DPP10: variants seen among roughly 807,000 people sequenced by gnomAD.
DPP10 encodes the protein inactive dipeptidyl peptidase 10.
Under a neutral mutation model 120.9 loss-of-function variants are expected in DPP10, and 33 were observed. The observed-to-expected ratio is 0.27, with a 90% CI of 0.21 to 0.37. The LOEUF is 0.37. Among genes scored for constraint, DPP10 ranks in the 10% least tolerant of loss-of-function variants. The probability of loss-of-function intolerance (pLI) is 1.00; values close to 1 mark genes in which losing one functional copy is unlikely to be tolerated. For missense variants in DPP10, 816 were observed against 942.8 expected, an observed-to-expected ratio of 0.87 and a Z score of 1.76; for synonymous variants, 337 against 326.1, an observed-to-expected ratio of 1.03 and a Z score of -0.36.
chr2:115,286,526 A>ATATATATATATATATATAT (rs10675008), intron 1 of DPP10, among the ~76,000 whole-genome samples: 1,429 of 60,442 alleles, frequency 0.024, 175 homozygotes, highest in Non-Finnish European at 0.032. Flanking sequence ...ATATATATAT[A>ATATATATATATATATATAT]ATATATATAT....
intron 5 of DPP10, among the ~76,000 whole-genome samples, chr2:115,664,157 A>T (rs1160439656): frequency 6.6e-6 from 1 of 152,036 alleles, no homozygotes; most frequent in Non-Finnish European, 1.5e-5. Context: ...CAATTTAAAT[A>T]TGTTAAGAGA....
At chr2:114,801,716 G>A (rs774780871) in intron 1 of DPP10, among the ~76,000 whole-genome samples, 1 of 152,194 alleles carries the variant, frequency 6.6e-6, no homozygotes, top group Non-Finnish European at 1.5e-5. Context: ...ACAAGGGATG[G>A]ATGTTATTTG....
intron 5 of DPP10, among the ~76,000 whole-genome samples, chr2:115,670,466 C>T (rs2089785192): frequency 6.6e-6 from 1 of 151,858 alleles, no homozygotes. Flanking sequence ...GCCAATTTAC[C>T]CCAGTTTTTG....
At chr2:114,891,464 T>A (rs1558849959) in intron 1 of DPP10, among the ~76,000 whole-genome samples, 1 of 152,136 alleles carries the variant, frequency 6.6e-6, no homozygotes, top group African/African-American at 2.4e-5. Flanking sequence ...AAACACCAGA[T>A]AAATGGAAAG....
At chr2:115,761,876 G>A (rs1033964529) in intron 11 of DPP10, among the ~76,000 whole-genome samples, 3 of 151,966 alleles carry the variant, frequency 2.0e-5, no homozygotes, top group Non-Finnish European at 2.9e-5. Flanking sequence ...ATTTGAATAC[G>A]TTTATTATAG....
chr2:115,758,369 T>G (rs1231853611), intron 11 of DPP10, among the ~76,000 whole-genome samples: 1 of 151,988 alleles, frequency 6.6e-6, no homozygotes, highest in African/African-American at 2.4e-5. Context: ...CCTTAAAACT[T>G]TAAATACACA....
chr2:114,528,667 A>G (rs1685708785), intron 1 of DPP10, among the ~76,000 whole-genome samples: 1 of 150,788 alleles, frequency 6.6e-6, no homozygotes, highest in Admixed American at 6.7e-5. Flanking sequence ...TTCATACTAG[A>G]TGGTCTTGAA....
intron 7 of DPP10, among the ~76,000 whole-genome samples, chr2:115,714,056 C>T (rs978726464): frequency 6.6e-6 from 1 of 152,130 alleles, no homozygotes; most frequent in African/African-American, 2.4e-5. Context: ...TGCTTTTCTG[C>T]TTCTATTCAT....
At chr2:115,422,587 T>C (rs760407909) in intron 3 of DPP10, among the ~76,000 whole-genome samples, 2 of 152,194 alleles carry the variant, frequency 1.3e-5, no homozygotes, top group African/African-American at 2.4e-5. Flanking sequence ...TCCTTGCAAA[T>C]AAAAGAATAA....
intron 1 of DPP10, among the ~76,000 whole-genome samples, chr2:114,815,734 G>C (rs1685588195): frequency 6.6e-6 from 1 of 152,140 alleles, no homozygotes; most frequent in South Asian, 2.1e-4. Context: ...GAGCAATGGA[G>C]TTGTGTAGGC....
At chr2:114,940,826 T>C (rs566989060) in intron 1 of DPP10, among the ~76,000 whole-genome samples, 30 of 152,308 alleles carry the variant, frequency 2.0e-4, no homozygotes, top group African/African-American at 7.0e-4. Context: ...GCTGCACACA[T>C]TTTATCCTGC....
At chr2:114,742,328 A>C (rs568151488) in intron 1 of DPP10, among the ~76,000 whole-genome samples, 1 of 152,324 alleles carries the variant, frequency 6.6e-6, no homozygotes, top group Non-Finnish European at 1.5e-5. Context: ...AAAAGGAAAA[A>C]GAAAAGGAGA....
At chr2:115,270,065 T>TAGG (rs2059623104) in intron 1 of DPP10, among the ~76,000 whole-genome samples, 1 of 89,394 alleles carries the variant, frequency 1.1e-5, no homozygotes, top group Non-Finnish European at 2.2e-5. Flanking sequence ...CTAGGTATAC[T>TAGG]TCACACACAC....
chr2:114,528,672 C>T (rs920055988), intron 1 of DPP10, among the ~76,000 whole-genome samples: 2 of 150,778 alleles, frequency 1.3e-5, no homozygotes, highest in Admixed American at 6.7e-5. Flanking sequence ...ACTAGATGGT[C>T]TTGAATATAC....
chr2:115,586,515 A>T (rs2149150064), intron 5 of DPP10, among the ~76,000 whole-genome samples: 1 of 152,292 alleles, frequency 6.6e-6, no homozygotes, highest in South Asian at 2.1e-4. Flanking sequence ...TTGTTGAAAA[A>T]ATGCCTTATT....
At chr2:115,198,180 A>C (rs975228793) in intron 1 of DPP10, among the ~76,000 whole-genome samples, 2 of 152,192 alleles carry the variant, frequency 1.3e-5, no homozygotes, top group Non-Finnish European at 2.9e-5. Context: ...GTCCTAAATG[A>C]TTAGGCTAAG....
intron 3 of DPP10, among the ~76,000 whole-genome samples, chr2:115,475,816 T>C (rs1597191): frequency 0.83 from 125,866 of 152,102 alleles, 55,145 homozygotes; most frequent in Non-Finnish European, 0.97. Context: ...TAAGATTTAA[T>C]GACTGCTTTT....
At chr2:115,674,616 G>A (rs1025430373) in intron 5 of DPP10, among the ~76,000 whole-genome samples, 5 of 152,140 alleles carry the variant, frequency 3.3e-5, no homozygotes, top group Admixed American at 2.0e-4. Context: ...CAGGACTGAA[G>A]ACTTGGTCCC....
chr2:115,476,847 A>G (rs1036356221), intron 3 of DPP10, among the ~76,000 whole-genome samples: 1 of 152,200 alleles, frequency 6.6e-6, no homozygotes, highest in African/African-American at 2.4e-5. Context: ...TTCCTGTGCT[A>G]GGATGGTTCA....
Sources: allele counts gnomAD v4.1 joint callset (sites outside exome capture counted in the v4.1 genomes callset), GRCh38; gene constraint gnomAD v4.1.1; transcripts MANE v1.5; gene names NCBI Gene and HGNC (gene_info 2026-07-23, HGNC 2026-07-21).